KAT6A: variants seen among roughly 807,000 people sequenced by gnomAD.
The protein encoded by KAT6A is histone acetyltransferase KAT6A.
A neutral mutation model predicts 198.4 loss-of-function variants in KAT6A; 9 were observed. The observed-to-expected ratio is 0.05, with a 90% confidence interval of 0.03 to 0.08. The LOEUF is 0.08. KAT6A is among the 10% of genes least tolerant of loss of function. The probability of loss-of-function intolerance (pLI) is 1.00; values close to 1 mark genes in which losing one functional copy is unlikely to be tolerated. For synonymous variants in KAT6A, 890 were observed against 883.0 expected (o/e 1.01, Z -0.14); for missense variants, 2,077 against 2,509.9 (o/e 0.83, Z 3.69).
chr8:42,040,512 T>TCACCTGA (rs779969506), intron 2 of KAT6A, among the ~76,000 whole-genome samples: 3 of 151,012 alleles, frequency 2.0e-5, no homozygotes, highest in Admixed American at 6.6e-5. Flanking sequence ...GGCGGGTGGA[T>TCACCTGA]CACCTGAGGT....
chr8:42,040,800 C>T (rs1054425226), intron 2 of KAT6A, among the ~76,000 whole-genome samples: 13 of 141,814 alleles, frequency 9.2e-5, no homozygotes, highest in Non-Finnish European at 1.7e-4. Context: ...TGGTATAGAA[C>T]TTTGGATTAG....
intron 2 of KAT6A, among the ~76,000 whole-genome samples, chr8:42,045,527 A>T (rs954401580): frequency 6.8e-6 from 1 of 147,324 alleles, no homozygotes; most frequent in Non-Finnish European, 1.5e-5. Flanking sequence ...GTGCCACTGC[A>T]CTCCAGCCTG....
chr8:41,977,236 A>C lies in KAT6A; in HGVS notation c.1135T>G (p.Ser379Ala). 4 of 1,613,562 alleles carry C rather than the reference A, an allele frequency of 2.5e-6. No homozygotes were observed. Among genetic ancestry groups the C allele is most frequent in the East Asian group, 2.2e-5 (1 of 44,874 alleles). ...ATCCGCTCTAAATATCCTTCTTCTG[A>C]TGATGATGATGCTGATTGGCTGGAA... ...TLSSQSASSS[S>A]EEGYLERIDG... Residue 379 changes from serine to alanine, a missense_variant, in exon 7 of 17, where the codon TCA becomes GCA. By Grantham distance (99) the Ser-to-Ala change is moderately conservative. Coordinates refer to ENST00000265713, the MANE Select transcript of KAT6A (RefSeq NM_006766.5).
chr8:41,984,497 C>CT (rs1414293839), intron 3 of KAT6A, among the ~76,000 whole-genome samples: 1 of 152,142 alleles, frequency 6.6e-6, no homozygotes. Context: ...CAGTTAAAAT[C>CT]TTGGCAGCAA....
chr8:41,980,924 T>A lies in KAT6A; in HGVS notation c.829A>T (p.Asn277Tyr). 1.2e-6 allele frequency: 2 copies of A among 1,609,552 alleles called. No homozygotes were observed. Among genetic ancestry groups the A allele is most frequent in the Admixed American group, 1.7e-5 (1 of 60,004 alleles). Reference protein sequence around the residue: ...SCRDQGKNADNMLFCDSCDRG... With the variant: ...SCRDQGKNADYMLFCDSCDRG... ...TCACATGAATCACAAAAGAGCATGT[T>A]ATCCTATTAGAAAAAAGAAAGGACA... Residue 277 changes from asparagine (N) to tyrosine (Y), a missense_variant, in exon 5 of 17, where the codon AAC (asparagine) becomes TAC (tyrosine). By Grantham distance (143) the Asn-to-Tyr change is moderately radical. Transcript: ENST00000265713.
At chr8:41,948,603 G>A (rs1360031519) in intron 10 of KAT6A, among the ~76,000 whole-genome samples, 3 of 152,084 alleles carry the variant, frequency 2.0e-5, no homozygotes, top group African/African-American at 4.8e-5. Context: ...CACTGTCTGC[G>A]ATACTAACAG....
At chr8:41,939,945 T>C (rs1404193636) in intron 15 of KAT6A, among the ~76,000 whole-genome samples, 2 of 152,222 alleles carry the variant, frequency 1.3e-5, no homozygotes, top group Admixed American at 6.5e-5. Flanking sequence ...CTGGCTGGGG[T>C]ATGCGAGAAC....
chr8:41,994,391 T>C (rs1390225818), intron 2 of KAT6A, among the ~76,000 whole-genome samples: 4 of 152,172 alleles, frequency 2.6e-5, no homozygotes. Context: ...TGACCTCATC[T>C]TCTATTGCTC....
intron 2 of KAT6A, among the ~76,000 whole-genome samples, chr8:42,009,116 G>A (rs1209786041): frequency 1.3e-5 from 2 of 151,932 alleles, no homozygotes; most frequent in East Asian, 1.9e-4. Context: ...AATTCGTTGC[G>A]GAAAATACAT....
In KAT6A at chr8:41,933,663, C is replaced by T; in HGVS notation, c.4557G>A (p.Leu1519=). 6.2e-7 allele frequency: 1 copy of T among 1,614,098 alleles called. No homozygotes were observed. Among genetic ancestry groups the T allele is most frequent in the Non-Finnish European group, 8.5e-7 (1 of 1,180,032 alleles). ...CCATGTTCTGCATAGAGGGTGCGGACAGGGATCCTTGTTCTGGGCTGATCT... is the reference window on the plus strand; with the variant it reads ...CCATGTTCTGCATAGAGGGTGCGGATAGGGATCCTTGTTCTGGGCTGATCT... ...YTQISPEQGS[L]SAPSMQNMET... The change falls in exon 17 of 17, where the codon CTG becomes CTA. Residue 1519 remains leucine, a synonymous_variant. Coordinates refer to ENST00000265713, the MANE Select transcript of KAT6A (RefSeq NM_006766.5). This position sits in a 1 kb window ranked among gnomAD's most constrained non-coding sequence, Gnocchi z 6.2.
chr8:41,952,576 T>C (rs1413362130), intron 9 of KAT6A, among the ~76,000 whole-genome samples: 1 of 152,228 alleles, frequency 6.6e-6, no homozygotes, highest in African/African-American at 2.4e-5. Context: ...GAACATTCCG[T>C]AAAGTATAAT....
chr8:41,981,841 C>T lies in KAT6A; in HGVS notation c.823G>A (p.Ala275Thr). ...TATTAGAAGGCAGAGATACTCACCG[C>T]ATTTTTGCCTTGATCTCGACAGGAG... ...CSSCRDQGKN[A>T]DNMLFCDSCD... Residue 275 changes from alanine to threonine, a missense_variant and splice_region_variant, in exon 4 of 17, where the codon GCG becomes ACG. Around this residue, in one of 13 missense-constraint regions of KAT6A, gnomAD observed 89 missense variants for 154.4 expected, o/e 0.58. Transcript: ENST00000265713. The T allele has an allele frequency of 1.3e-6, 2 of 1,599,386 alleles. No individual in the cohort carries two copies. The highest frequency in any genetic ancestry group is 1.7e-6 in the Non-Finnish European group (2 of 1,166,708).
Position 41,933,629 on chromosome 8 carries a change from G to T in KAT6A, c.4591C>A (p.Pro1531Thr). ...APSMQNMETS[P>T]MMDVPSVSDH... ...GATACGGAAGGCACATCCATCATGG[G>T]GCTGGTCTCCATGTTCTGCATAGAG... Residue 1531 changes from proline to threonine, a missense_variant, in exon 17 of 17, where the codon CCC becomes ACC. Around this residue, in one of 13 missense-constraint regions of KAT6A, gnomAD observed 178 missense variants for 220.8 expected, o/e 0.81. Transcript: ENST00000265713. The surrounding 1 kb of genome is among the most constrained non-coding windows in gnomAD (Gnocchi z 6.2). 1 of 1,614,114 alleles carries T rather than the reference G, an allele frequency of 6.2e-7. No homozygotes were observed. Among genetic ancestry groups the T allele is most frequent in the Non-Finnish European group, 8.5e-7 (1 of 1,180,030 alleles).
In KAT6A at chr8:41,946,491, TATACACACACACAC is replaced by T. The variant is rs1163887026; in HGVS notation, c.1996+86_1996+99del. 4,278 of 463,578 alleles carry T rather than the reference TATACACACACACAC, an allele frequency of 9.2e-3. 68 individuals are homozygous for T. The highest frequency in any genetic ancestry group is 0.045 in the African/African-American group (1,704 of 37,856). The allele number at this position is 463,578 out of a possible 1,614,324, so 28.7% of individuals were successfully genotyped here. On this transcript the variant is annotated intron_variant, in intron 12 of 16. Transcript: ENST00000265713. The stretch of plus-strand genomic sequence containing the variant: ...ACCTACAAATCTTTAAATATATATA[TATACACACACACAC>T]ACACACACACACACACACACACACA...
intron 2 of KAT6A, among the ~76,000 whole-genome samples, chr8:41,988,977 G>T (rs1824770277): frequency 6.6e-6 from 1 of 152,154 alleles, no homozygotes; most frequent in Non-Finnish European, 1.5e-5. Context: ...GTCTACTGGG[G>T]AGAACAGATA....
intron 8 of KAT6A, among the ~76,000 whole-genome samples, chr8:41,969,489 A>T (rs1413747039): frequency 2.4e-4 from 36 of 152,048 alleles, no homozygotes; most frequent in Admixed American, 2.4e-3. Context: ...ACTCCAAAAT[A>T]TATCTAAATC....
At chr8:41,969,834 T>C (rs1462608498) in intron 8 of KAT6A, among the ~76,000 whole-genome samples, 1 of 152,166 alleles carries the variant, frequency 6.6e-6, no homozygotes, top group African/African-American at 2.4e-5. Flanking sequence ...CTTAAGTTTA[T>C]CAACCTCTTT....
chr8:41,949,894 C>CATT (rs1414604121), intron 9 of KAT6A, among the ~76,000 whole-genome samples: 1 of 152,206 alleles, frequency 6.6e-6, no homozygotes, highest in Non-Finnish European at 1.5e-5. Context: ...TCACAATGTG[C>CATT]ATTAATTCTT....
At chr8:41,937,224 A>G in intron 16 of KAT6A, 32 bp downstream of exon 16, 1 of 1,554,200 alleles carries the variant, frequency 6.4e-7, no homozygotes, top group South Asian at 1.2e-5. Flanking sequence ...TGAAGACAAT[A>G]AACCACAGTA....
Sources: gnomAD v4.1 joint callset for allele counts (sites outside exome capture counted in the v4.1 genomes callset) on GRCh38, gnomAD v4.1.1 for gene constraint, gnomAD v4.1.1 regional missense constraint, Gnocchi (gnomAD v3.1) non-coding constraint, MANE v1.5 for transcripts, NCBI Gene and HGNC (gene_info 2026-07-23, HGNC 2026-07-21) for gene names.